NPAS3: variants seen among roughly 807,000 people sequenced by gnomAD.
The protein encoded by NPAS3 is neuronal PAS domain-containing protein 3.
NPAS3 carries 14 observed loss-of-function variants against 73.1 expected under a neutral mutation model. The ratio of observed to expected loss-of-function variants is 0.19; its 90% CI spans 0.13 to 0.30. The LOEUF is 0.30. Among genes scored for constraint, NPAS3 ranks in the 10% least tolerant of loss-of-function variants. The pLI is 1.00. For missense variants in NPAS3, 1,096 were observed against 1,250.0 expected (o/e 0.88, Z 1.86); for synonymous variants, 620 against 541.5 (o/e 1.14, Z -2.01).
chr14:33,258,331 G>A (rs759745039), intron 3 of NPAS3, among the ~76,000 whole-genome samples: 4 of 152,098 alleles, frequency 2.6e-5, no homozygotes, highest in South Asian at 2.1e-4. Context: ...GAACCTGGGC[G>A]GTGGAGGTTG....
intron 3 of NPAS3, among the ~76,000 whole-genome samples, chr14:33,234,665 G>C (rs1168719866): frequency 6.6e-6 from 1 of 152,088 alleles, no homozygotes; most frequent in Non-Finnish European, 1.5e-5. Flanking sequence ...GCCATCCTTT[G>C]TGTAGACTCT....
At chr14:33,227,821 G>C (rs939983308) in intron 3 of NPAS3, among the ~76,000 whole-genome samples, 11 of 152,204 alleles carry the variant, frequency 7.2e-5, no homozygotes, top group Non-Finnish European at 1.6e-4. Flanking sequence ...TCCCAGGCTA[G>C]AGAATCCAGC....
intron 5 of NPAS3, among the ~76,000 whole-genome samples, chr14:33,651,137 G>T (rs945237057): frequency 1.2e-4 from 18 of 152,208 alleles, no homozygotes; most frequent in Admixed American, 1.2e-3. Context: ...GGCCCGTGCA[G>T]AAATCATCAC....
At chr14:33,114,736 G>A (rs1407596273) in intron 2 of NPAS3, among the ~76,000 whole-genome samples, 1 of 152,124 alleles carries the variant, frequency 6.6e-6, no homozygotes, top group Non-Finnish European at 1.5e-5. Flanking sequence ...ACGAGATCCA[G>A]TTTGACATTT....
At chr14:33,763,923 T>C (rs890430614) in intron 7 of NPAS3, among the ~76,000 whole-genome samples, 1 of 152,056 alleles carries the variant, frequency 6.6e-6, no homozygotes, top group Non-Finnish European at 1.5e-5. Flanking sequence ...GAATCACTGT[T>C]ATTTGTGGTT....
At chr14:33,193,919 G>A (rs2046257326) in intron 2 of NPAS3, among the ~76,000 whole-genome samples, 1 of 152,032 alleles carries the variant, frequency 6.6e-6, no homozygotes, top group Non-Finnish European at 1.5e-5. Flanking sequence ...TGCAGTAATA[G>A]AAGAAGCCTT....
chr14:33,322,618 T>C (rs1016915795), intron 3 of NPAS3, among the ~76,000 whole-genome samples: 2 of 152,148 alleles, frequency 1.3e-5, no homozygotes, highest in African/African-American at 4.8e-5. Flanking sequence ...TGCTAAATGT[T>C]TATTTTTTTA....
chr14:32,936,743 GTGT>G (rs1189043124), upstream of NPAS3, among the ~76,000 whole-genome samples: 4 of 152,154 alleles, frequency 2.6e-5, no homozygotes, highest in African/African-American at 9.7e-5. Flanking sequence ...TTTGCTCTGA[GTGT>G]TGTTATCCTT....
intron 1 of NPAS3, among the ~76,000 whole-genome samples, chr14:33,034,706 G>T (rs1286661608): frequency 6.6e-6 from 1 of 152,066 alleles, no homozygotes; most frequent in Non-Finnish European, 1.5e-5. Context: ...ATTCAACTTA[G>T]TAACCCCAGA....
At chr14:33,458,623 T>A (rs755921402) in intron 4 of NPAS3, among the ~76,000 whole-genome samples, 15 of 152,210 alleles carry the variant, frequency 9.9e-5, no homozygotes, top group Admixed American at 2.0e-4. Flanking sequence ...ATCTTTGAAA[T>A]GAGATTTCAC....
intron 4 of NPAS3, among the ~76,000 whole-genome samples, chr14:33,499,334 C>G (rs764394146): frequency 6.6e-6 from 1 of 151,666 alleles, no homozygotes; most frequent in Non-Finnish European, 1.5e-5. Flanking sequence ...TTTGTGAATG[C>G]CCTTCAAATC....
chr14:33,072,465 G>A (rs924840604), intron 2 of NPAS3, among the ~76,000 whole-genome samples: 11 of 152,076 alleles, frequency 7.2e-5, no homozygotes, highest in Non-Finnish European at 1.0e-4. Flanking sequence ...TTTAACAAAG[G>A]TGAATTTTTC....
intron 4 of NPAS3, among the ~76,000 whole-genome samples, chr14:33,500,964 A>ACC (rs1422664787): frequency 6.6e-6 from 1 of 152,006 alleles, no homozygotes; most frequent in Non-Finnish European, 1.5e-5. Flanking sequence ...ATTAGGAACA[A>ACC]CTTATAAAAT....
intron 5 of NPAS3, among the ~76,000 whole-genome samples, chr14:33,647,878 T>C (rs1039375117): frequency 1.3e-5 from 2 of 152,192 alleles, no homozygotes; most frequent in Non-Finnish European, 1.5e-5. Flanking sequence ...TATAGATACA[T>C]AGTCACTCAA....
intron 5 of NPAS3, among the ~76,000 whole-genome samples, chr14:33,568,002 A>T (rs2056045299): frequency 6.6e-6 from 1 of 152,206 alleles, no homozygotes; most frequent in South Asian, 2.1e-4. Context: ...TAAGCTTACC[A>T]TTTTCAAATG....
intron 5 of NPAS3, among the ~76,000 whole-genome samples, chr14:33,561,053 A>G (rs1385216573): frequency 6.6e-6 from 1 of 152,204 alleles, no homozygotes; most frequent in African/African-American, 2.4e-5. Context: ...GTAGTTTGGC[A>G]TGAGGAAAAC....
At chr14:33,204,396 T>C (rs1207256260) in intron 2 of NPAS3, among the ~76,000 whole-genome samples, 9 of 152,256 alleles carry the variant, frequency 5.9e-5, no homozygotes, top group African/African-American at 1.4e-4. Context: ...AGAATGATTC[T>C]AATTACAGTA....
intron 5 of NPAS3, among the ~76,000 whole-genome samples, chr14:33,584,401 T>TAAAA (rs5807734): frequency 3.6e-5 from 3 of 84,324 alleles, no homozygotes; most frequent in African/African-American, 5.1e-5. Flanking sequence ...GATGTTTATT[T>TAAAA]AAAAAAAAAA....
chr14:33,196,249 CTTTCAA>C (rs1311825827), intron 2 of NPAS3, among the ~76,000 whole-genome samples: 3 of 152,200 alleles, frequency 2.0e-5, no homozygotes, highest in Admixed American at 6.5e-5. Context: ...GATGACCTGT[CTTTCAA>C]TTTCTTTATT....
Sources: gnomAD v4.1 joint callset for allele counts (sites outside exome capture counted in the v4.1 genomes callset) on GRCh38, gnomAD v4.1.1 for gene constraint, MANE v1.5 for transcripts, NCBI Gene and HGNC (gene_info 2026-07-23, HGNC 2026-07-21) for gene names.